Variants in PPP1R12A observed in about 807,000 individuals in gnomAD.
The protein encoded by PPP1R12A is myosin binding subunit.
A neutral mutation model predicts 139.6 loss-of-function variants in PPP1R12A; 19 were observed. The observed-to-expected ratio is 0.14, with a 90% CI of 0.09 to 0.20. PPP1R12A has a LOEUF of 0.20. Ranked by LOEUF, PPP1R12A falls within the 10% of genes least tolerant of loss-of-function variation. The pLI is 1.00. For synonymous variants in PPP1R12A, 427 were observed against 420.6 expected (o/e 1.02, Z -0.19); for missense variants, 925 against 1,211.5 (o/e 0.76, Z 3.51).
At chr12:79,911,726 C>A (rs1301290727) in intron 1 of PPP1R12A, among the ~76,000 whole-genome samples, 1 of 151,612 alleles carries the variant, frequency 6.6e-6, no homozygotes, top group African/African-American at 2.4e-5. Flanking sequence ...TTGTAAAGCA[C>A]CAGCTTTCGA....
chr12:79,794,609 CA>C (rs1359999029), intron 18 of PPP1R12A, among the ~76,000 whole-genome samples: 10 of 149,996 alleles, frequency 6.7e-5, no homozygotes, highest in East Asian at 2.0e-4. Context: ...TTGAAAATAA[CA>C]GAAAAGATAT....
intron 1 of PPP1R12A, among the ~76,000 whole-genome samples, chr12:79,928,965 C>A (rs1266002744): frequency 6.6e-6 from 1 of 152,212 alleles, no homozygotes; most frequent in Non-Finnish European, 1.5e-5. Flanking sequence ...ATTCTAATAG[C>A]ATAGAACATG....
At chr12:79,853,472 A>G (rs1339263665) in intron 2 of PPP1R12A, among the ~76,000 whole-genome samples, 1 of 152,212 alleles carries the variant, frequency 6.6e-6, no homozygotes, top group Non-Finnish European at 1.5e-5. Context: ...AGTTGTACTC[A>G]GCATATAGTA....
At chr12:79,931,028 T>C (rs1888216551) in intron 1 of PPP1R12A, among the ~76,000 whole-genome samples, 1 of 152,208 alleles carries the variant, frequency 6.6e-6, no homozygotes, top group Admixed American at 6.5e-5. Flanking sequence ...AGACCTGTTT[T>C]AGGTTGAATT....
At position 79,774,522 on chromosome 12, in the gene PPP1R12A, T is replaced by TA. The variant is rs1471203439; in HGVS notation, c.*1406dup. The TA allele has an allele frequency of 7.9e-5, 12 of 152,520 alleles. No homozygotes were observed. The highest frequency in any genetic ancestry group is 1.8e-4 in the Non-Finnish European group (12 of 67,986). The allele number at this position is 152,520 out of a possible 1,614,324, so 9.4% of individuals were successfully genotyped here. The stretch of plus-strand genomic sequence containing the variant: ...ACTGTTCAGTGGTTAAGGAGACAGT[T>TA]ATGTGCCAGAAAGATGTAGTATTTT... On this transcript the variant is annotated 3_prime_UTR_variant, in exon 25 of 25. Transcript: ENST00000450142.
chr12:79,782,068 C>G (rs1870520182), intron 22 of PPP1R12A: 2 of 355,234 alleles, frequency 5.6e-6, no homozygotes, highest in East Asian at 8.8e-5. Context: ...AACCAGAGCT[C>G]TCATTTTATG....
At chr12:79,890,090 C>T (rs1365358497) in intron 1 of PPP1R12A, among the ~76,000 whole-genome samples, 4 of 152,050 alleles carry the variant, frequency 2.6e-5, no homozygotes, top group Admixed American at 2.0e-4. Context: ...TGTAAAACTT[C>T]AGATAGAGAC....
intron 1 of PPP1R12A, among the ~76,000 whole-genome samples, chr12:79,920,666 G>A (rs1887364964): frequency 6.6e-6 from 1 of 152,130 alleles, no homozygotes; most frequent in South Asian, 2.1e-4. Flanking sequence ...ATGAATTAAT[G>A]GGTTATCATG....
In PPP1R12A at chr12:79,934,964, A is replaced by G. The variant is rs1888555876; in HGVS notation, c.-33T>C. On this transcript the variant is annotated 5_prime_UTR_variant, in exon 1 of 25. Coordinates refer to ENST00000450142, the MANE Select transcript of PPP1R12A (RefSeq NM_002480.3). ...CCTGCCGCCGGGTCTTCTTATCGCG[A>G]GGGGGGGAAGGGGGAGGCGGAGAGG... The G allele has an allele frequency of 1.3e-6, 2 of 1,540,752 alleles. No individual in the cohort carries two copies. The highest frequency in any genetic ancestry group is 8.8e-7 in the Non-Finnish European group (1 of 1,140,326).
At chr12:79,847,437 G>C (rs570462467) in intron 2 of PPP1R12A, among the ~76,000 whole-genome samples, 164 of 152,218 alleles carry the variant, frequency 1.1e-3, no homozygotes, top group Non-Finnish European at 2.0e-3. Flanking sequence ...TGTATTTCCT[G>C]ATTACACATG....
intron 8 of PPP1R12A, 46 bp downstream of exon 8, chr12:79,820,728 C>A (rs1281022976): frequency 2.5e-6 from 4 of 1,592,772 alleles, no homozygotes; most frequent in Non-Finnish European, 3.4e-6. Context: ...TCTTATTTTA[C>A]ACTGCCACAA....
intron 1 of PPP1R12A, among the ~76,000 whole-genome samples, chr12:79,920,503 T>C (rs1186231545): frequency 6.6e-6 from 1 of 152,210 alleles, no homozygotes; most frequent in Non-Finnish European, 1.5e-5. Flanking sequence ...AATTTCTCCA[T>C]ATCTGCTGTG....
intron 8 of PPP1R12A, 21 bp from the exon 9 acceptor site, chr12:79,817,539 A>C: frequency 6.4e-7 from 1 of 1,557,624 alleles, no homozygotes; most frequent in Non-Finnish European, 8.7e-7. Context: ...CAAACAATTA[A>C]GAGTCAAGAT....
chr12:79,821,977 C>T, intron 6 of PPP1R12A, 139 bp downstream of exon 6: 1 of 571,284 alleles, frequency 1.8e-6, no homozygotes. Context: ...CCTTTATTCT[C>T]TTTCACTATC....
intron 18 of PPP1R12A, among the ~76,000 whole-genome samples, chr12:79,794,874 T>A: frequency 6.6e-6 from 1 of 152,214 alleles, no homozygotes; most frequent in South Asian, 2.1e-4. Context: ...ATAAAATTTA[T>A]AGTTCTAGTC....
chr12:79,802,587 A>T (rs978584561), intron 14 of PPP1R12A, among the ~76,000 whole-genome samples: 2 of 152,266 alleles, frequency 1.3e-5, no homozygotes, highest in South Asian at 2.1e-4. Flanking sequence ...GTTTGAGACC[A>T]GCCTAGGCAA....
intron 2 of PPP1R12A, among the ~76,000 whole-genome samples, chr12:79,849,995 A>T (rs1000017097): frequency 4.8e-5 from 7 of 145,904 alleles, no homozygotes; most frequent in Admixed American, 1.4e-4. Flanking sequence ...AGCTAAATTT[A>T]AAAAAAAAAA....
rs139682350 is a variant in PPP1R12A at position 79,931,421 on chromosome 12, G to A, written c.237+3274C>T. ...GGAGCTTTGCAGAAATGAGGGAACT[G>A]TAAACTGACTTGGAAGTCACTGGCA... On this transcript the variant is annotated intron_variant, in intron 1 of 24. Coordinates refer to ENST00000450142, the MANE Select transcript of PPP1R12A (RefSeq NM_002480.3). 4.8e-3 allele frequency among the ~76,000 whole-genome samples: 737 copies of A among 152,204 alleles called. 5 individuals are homozygous for A. Among genetic ancestry groups the A allele is most frequent in the African/African-American group, 0.017 (707 of 41,544 alleles).
At chr12:79,911,124 T>C (rs1886530080) in intron 1 of PPP1R12A, among the ~76,000 whole-genome samples, 1 of 152,206 alleles carries the variant, frequency 6.6e-6, no homozygotes, top group Non-Finnish European at 1.5e-5. Flanking sequence ...TTAGTTCATT[T>C]AATCTACTGT....
Sources: gnomAD v4.1 joint callset for allele counts (sites outside exome capture counted in the v4.1 genomes callset) on GRCh38, gnomAD v4.1.1 for gene constraint, MANE v1.5 for transcripts, NCBI Gene and HGNC (gene_info 2026-07-23, HGNC 2026-07-21) for gene names.